The following MYPN variants were observed in gnomAD, a reference collection of about 807,000 sequenced individuals.
The protein encoded by MYPN is sarcomeric protein myopalladin, 145 kDa (MYOP).
MYPN carries 63 observed loss-of-function variants against 129.4 expected under a neutral mutation model. The observed-to-expected ratio is 0.49, with a 90% CI of 0.40 to 0.60. MYPN has a LOEUF of 0.60. MYPN is among the 20% of genes least tolerant of loss of function. MYPN has a pLI of 0.00. For missense variants in MYPN, 1,596 were observed against 1,635.4 expected, an observed-to-expected ratio of 0.98 and a Z score of 0.42; for synonymous variants, 629 against 600.9, an observed-to-expected ratio of 1.05 and a Z score of -0.68.
chr10:68,182,330 ATAACACAC>A (rs2043334278), intron 12 of MYPN, among the ~76,000 whole-genome samples: 1 of 53,614 alleles, frequency 1.9e-5, no homozygotes, highest in Non-Finnish European at 4.7e-5. Context: ...TAACATATAT[ATAACACAC>A]ACATATATAA....
At position 68,211,520 on chromosome 10, in the gene MYPN, T is replaced by G. The variant is rs550909458; in HGVS notation, c.*1065T>G. The G allele has an allele frequency of 6.6e-6, 3 of 454,098 alleles. No individual in the cohort carries two copies. The highest frequency in any genetic ancestry group is 1.3e-5 in the Non-Finnish European group (3 of 226,786). 28.1% of individuals were successfully genotyped at this position (454,098 alleles called of 1,614,324 possible). On this transcript the variant is annotated 3_prime_UTR_variant, in exon 20 of 20. Coordinates refer to ENST00000358913, the MANE Select transcript of MYPN (RefSeq NM_032578.4). ...CATTGGTCAAATTGCATTTTCTATG[T>G]AGAGAATATTCTGCTAGGTGGAAAA... is the stretch of plus-strand genomic sequence containing the variant.
At chr10:68,106,482 C>A, upstream of MYPN, 1 of 527,784 alleles carries the variant, frequency 1.9e-6, no homozygotes. Context: ...GAAAATTTTT[C>A]TCATTAAAAA....
intron 10 of MYPN, among the ~76,000 whole-genome samples, chr10:68,172,769 G>A (rs538722002): frequency 2.0e-5 from 3 of 152,230 alleles, no homozygotes; most frequent in African/African-American, 7.2e-5. Context: ...GTGAAAGTGA[G>A]TTCTATTAAT....
chr10:68,129,150 C>T (rs1034419127), intron 2 of MYPN, among the ~76,000 whole-genome samples: 3 of 152,084 alleles, frequency 2.0e-5, no homozygotes, highest in East Asian at 1.9e-4. Context: ...GGCCACATCT[C>T]GGACCCACTG....
chr10:68,126,547 T>C (rs1432640637), intron 2 of MYPN, among the ~76,000 whole-genome samples: 1 of 152,204 alleles, frequency 6.6e-6, no homozygotes, highest in African/African-American at 2.4e-5. Context: ...TCTGATGCTC[T>C]GGTCGGACTC....
At chr10:68,172,716 G>T (rs576909953) in intron 10 of MYPN, among the ~76,000 whole-genome samples, 1 of 152,272 alleles carries the variant, frequency 6.6e-6, no homozygotes, top group South Asian at 2.1e-4. Flanking sequence ...TTTATAATCA[G>T]GGTGAGCATA....
Position 68,183,604 on chromosome 10 carries a change from G to T in MYPN, c.2704-5301G>T, listed in dbSNP as rs77408436. Reference sequence around the variant, plus strand: ...TCAGGCAATAGAAGCTGCAGAAAAGGTTCTTTAGCTTGTAGCAAGAACTCT... The same window carrying T: ...TCAGGCAATAGAAGCTGCAGAAAAGTTTCTTTAGCTTGTAGCAAGAACTCT... On this transcript the variant is annotated intron_variant, in intron 12 of 19. Coordinates refer to ENST00000358913, the MANE Select transcript of MYPN (RefSeq NM_032578.4). 2.6e-4 allele frequency among the ~76,000 whole-genome samples: 39 copies of T among 152,322 alleles called. No homozygotes were observed. The East Asian group carries it at 7.1e-3, about 28-fold the overall frequency.
intron 6 of MYPN, among the ~76,000 whole-genome samples, chr10:68,157,404 T>A (rs967555299): frequency 1.3e-5 from 2 of 152,102 alleles, no homozygotes; most frequent in African/African-American, 4.8e-5. Flanking sequence ...ATAGAACCCT[T>A]CCACATTATG....
chr10:68,166,023 C>T (rs578065256), intron 9 of MYPN, among the ~76,000 whole-genome samples: 31 of 152,234 alleles, frequency 2.0e-4, no homozygotes, highest in Non-Finnish European at 4.3e-4. Context: ...AGTTAACCTG[C>T]TGTCATCACT....
intron 17 of MYPN, 147 bp downstream of exon 17, chr10:68,199,722 C>T (rs1313387701): frequency 2.0e-5 from 16 of 802,698 alleles, no homozygotes; most frequent in Non-Finnish European, 3.2e-5. Flanking sequence ...TGGTATTTCC[C>T]ACATCACTTT....
intron 7 of MYPN, among the ~76,000 whole-genome samples, chr10:68,160,626 C>G (rs919887736): frequency 2.0e-5 from 3 of 152,116 alleles, no homozygotes; most frequent in Admixed American, 6.6e-5. Context: ...AGATAAGAAC[C>G]TACTCTTGGC....
chr10:68,154,389 G>T (rs2042832042), intron 6 of MYPN, among the ~76,000 whole-genome samples: 1 of 152,306 alleles, frequency 6.6e-6, no homozygotes, highest in African/African-American at 2.4e-5. Flanking sequence ...GGCAGGGGAA[G>T]CGAGAATTTG....
chr10:68,174,635 T>A lies in MYPN; in HGVS notation c.2543T>A (p.Leu848Gln), dbSNP rs2043198784. The change falls in exon 11 of 20, where the codon CTG (leucine) becomes CAG (glutamine). Residue 848 changes from leucine to glutamine, a missense_variant. Coordinates refer to ENST00000358913, the MANE Select transcript of MYPN (RefSeq NM_032578.4). ...PAIPPTNAMG[L>Q]PRSAPSMPSQ... Reference sequence around the variant, plus strand: ...ATCCCACCCACAAATGCCATGGGGCTGCCTAGAAGTGCACCATCCATGTAA... The same window carrying A: ...ATCCCACCCACAAATGCCATGGGGCAGCCTAGAAGTGCACCATCCATGTAA... 6.2e-7 allele frequency: 1 copy of A among 1,614,048 alleles called. No individual in the cohort carries two copies. The highest frequency in any genetic ancestry group is 8.5e-7 in the Non-Finnish European group (1 of 1,180,004).
At chr10:68,190,979 CA>C (rs1358529011) in intron 13 of MYPN, among the ~76,000 whole-genome samples, 1 of 151,984 alleles carries the variant, frequency 6.6e-6, no homozygotes, top group Non-Finnish European at 1.5e-5. Flanking sequence ...GCGCCTTTGT[CA>C]AAAATGAGTT....
chr10:68,106,324 G>A (rs934458820), upstream of MYPN: 84 of 356,548 alleles, frequency 2.4e-4, no homozygotes, highest in African/African-American at 1.7e-3. Flanking sequence ...TCCCAGGCAA[G>A]CATTTTCAGT....
At chr10:68,123,451 C>T (rs113396036) in intron 2 of MYPN, among the ~76,000 whole-genome samples, 6,580 of 148,598 alleles carry the variant, frequency 0.044, 488 homozygotes, top group African/African-American at 0.15. Context: ...CTGAGGCGGG[C>T]GGATCACGAG....
chr10:68,123,020 G>A (rs761193693), intron 2 of MYPN, among the ~76,000 whole-genome samples: 44 of 151,492 alleles, frequency 2.9e-4, no homozygotes, highest in Non-Finnish European at 1.0e-4. Flanking sequence ...TTTGAAACTC[G>A]GCGTGAATTC....
At chr10:68,156,283 C>T (rs984734378) in intron 6 of MYPN, among the ~76,000 whole-genome samples, 2 of 152,090 alleles carry the variant, frequency 1.3e-5, no homozygotes, top group African/African-American at 4.8e-5. Context: ...TTAAAGTTTT[C>T]AATGGTCCCC....
chr10:68,206,516 G>A (rs2043817982), intron 18 of MYPN, among the ~76,000 whole-genome samples: 1 of 152,126 alleles, frequency 6.6e-6, no homozygotes, highest in Non-Finnish European at 1.5e-5. Context: ...TGAAAATTGG[G>A]GGTTCTGCTG....
Sources: gnomAD v4.1 joint callset for allele counts (sites outside exome capture counted in the v4.1 genomes callset) on GRCh38, gnomAD v4.1.1 for gene constraint, MANE v1.5 for transcripts, NCBI Gene and HGNC (gene_info 2026-07-23, HGNC 2026-07-21) for gene names.